SLC10A1: variants seen among roughly 807,000 people sequenced by gnomAD.
The protein encoded by SLC10A1 is hepatic sodium/bile acid cotransporter.
In SLC10A1, 36 loss-of-function variants were observed where a neutral mutation model predicts 20.5. The ratio of observed to expected loss-of-function variants is 1.75; its 90% CI spans 1.34 to 2.32. The LOEUF is 2.32. Among genes scored for constraint, SLC10A1 ranks in the 30% most tolerant of loss-of-function variants. The probability of loss-of-function intolerance (pLI) is 0.00; values close to 1 mark genes in which losing one functional copy is unlikely to be tolerated. For synonymous variants in SLC10A1, 188 were observed against 163.6 expected (o/e 1.15, Z -1.14); for missense variants, 545 against 439.1 (o/e 1.24, Z -2.16).
chr14:69,779,284 A>AT lies in SLC10A1; in HGVS notation c.643dup (p.Met215AsnfsTer63), dbSNP rs751504690. 3.2e-5 allele frequency: 52 copies of AT among 1,613,902 alleles called. No homozygotes were observed. The highest frequency in any genetic ancestry group is 4.2e-5 in the Non-Finnish European group (50 of 1,179,944). The stretch of plus-strand genomic sequence containing the variant: ...AATCAAGAGTGGTGTCATGGCAAAC[A>AT]TGATGCTCTTCCCCACATTGATGGC... On this transcript the variant is annotated frameshift_variant, in exon 3 of 5. Coordinates refer to ENST00000216540, the MANE Select transcript of SLC10A1 (RefSeq NM_003049.4). LOFTEE classifies it high-confidence loss of function.
At chr14:69,784,058 G>T (rs762185223) in intron 2 of SLC10A1, among the ~76,000 whole-genome samples, 1 of 152,170 alleles carries the variant, frequency 6.6e-6, no homozygotes, top group Non-Finnish European at 1.5e-5. Context: ...GACATCTGAT[G>T]ATGCTGTTCT....
At chr14:69,783,266 G>A (rs1442814410) in intron 2 of SLC10A1, among the ~76,000 whole-genome samples, 1 of 151,304 alleles carries the variant, frequency 6.6e-6, no homozygotes, top group African/African-American at 2.5e-5. Context: ...TGTGGATTCA[G>A]TGTTAATTAA....
At position 69,776,243 on chromosome 14, in the gene SLC10A1, A is replaced by G; in HGVS notation, c.*39T>C. Reference sequence around the variant, plus strand: ...CTAGTTTACCACACTGGCTTTCAGAATTGCTTTGGGACCAGAATCCAGGCC... The same window carrying G: ...CTAGTTTACCACACTGGCTTTCAGAGTTGCTTTGGGACCAGAATCCAGGCC... On this transcript the variant is annotated 3_prime_UTR_variant, in exon 5 of 5. Transcript: ENST00000216540. 1 of 1,500,756 alleles carries G rather than the reference A, an allele frequency of 6.7e-7. No homozygotes were observed. Among genetic ancestry groups the G allele is most frequent in the Non-Finnish European group, 9.2e-7 (1 of 1,084,108 alleles). The allele number at this position is 1,500,756 out of a possible 1,614,324, so 93.0% of individuals were successfully genotyped here. A position where few individuals can be genotyped will look rare whatever the true frequency, so the allele number is the denominator to read the frequency against.
At chr14:69,788,214 A>C (rs140264205) in intron 1 of SLC10A1, among the ~76,000 whole-genome samples, 2,768 of 152,164 alleles carry the variant, frequency 0.018, 78 homozygotes, top group African/African-American at 0.062. Flanking sequence ...GAAACTGAGC[A>C]ACCAATAAAA....
rs575719164 is a variant in SLC10A1 at position 69,788,640 on chromosome 14, G to C, written c.357-2333C>G. ...GCTCACTGCAAGCTCCGCCTCCTGGGTTCACGCTATTCTTCTGTCTCAGCC... is the reference window on the plus strand; with the variant it reads ...GCTCACTGCAAGCTCCGCCTCCTGGCTTCACGCTATTCTTCTGTCTCAGCC... On this transcript the variant is annotated intron_variant, in intron 1 of 4. Coordinates refer to ENST00000216540, the MANE Select transcript of SLC10A1 (RefSeq NM_003049.4). 2.6e-5 allele frequency among the ~76,000 whole-genome samples: 4 copies of C among 152,090 alleles called. 1 individual carries two copies. The South Asian group carries it at 8.3e-4, about 32-fold the overall frequency.
intron 3 of SLC10A1, among the ~76,000 whole-genome samples, chr14:69,778,972 C>A (rs934491910): frequency 1.3e-5 from 2 of 152,006 alleles, no homozygotes; most frequent in Non-Finnish European, 2.9e-5. Flanking sequence ...CAAAACTAGC[C>A]TGGGCAACAT....
In SLC10A1 at chr14:69,791,736, C is replaced by G. The variant is rs192746790; in HGVS notation, c.356+5064G>C. On this transcript the variant is annotated intron_variant, in intron 1 of 4. Transcript: ENST00000216540. ...AAGAGAAGAGAGATCCAGACACAAG[C>G]CCTGCATTTATGAGAGAGATGTCAT... Among the ~76,000 whole-genome samples the G allele has an allele frequency of 3.3e-5, 5 of 152,282 alleles. No individual in the cohort carries two copies. The East Asian group carries it at 9.6e-4, about 29-fold the overall frequency.
chr14:69,778,021 A>C (rs1883489650), intron 4 of SLC10A1, among the ~76,000 whole-genome samples: 1 of 152,134 alleles, frequency 6.6e-6, no homozygotes, highest in Non-Finnish European at 1.5e-5. Flanking sequence ...TAATAACCTC[A>C]GTTGTCCAAG....
chr14:69,776,178 G>T lies in SLC10A1; in HGVS notation c.*104C>A. 1.3e-6 allele frequency: 1 copy of T among 782,942 alleles called. No homozygotes were observed. The highest frequency in any genetic ancestry group is 2.2e-6 in the Non-Finnish European group (1 of 463,496). The allele number at this position is 782,942 out of a possible 1,614,324, so 48.5% of individuals were successfully genotyped here. ...TCTGATAGATGTACTGGAAATGCTGGAGAAAGACTCAGGCAAGACTGGTGT... is the reference window on the plus strand; with the variant it reads ...TCTGATAGATGTACTGGAAATGCTGTAGAAAGACTCAGGCAAGACTGGTGT... On this transcript the variant is annotated 3_prime_UTR_variant, in exon 5 of 5. Transcript: ENST00000216540.
At chr14:69,793,092 A>T (rs1882311527) in intron 1 of SLC10A1, among the ~76,000 whole-genome samples, 1 of 152,170 alleles carries the variant, frequency 6.6e-6, no homozygotes, top group Non-Finnish European at 1.5e-5. Flanking sequence ...GGGAAAAGCC[A>T]AACACAACTT....
chr14:69,784,873 A>C (rs1170082455), intron 2 of SLC10A1, among the ~76,000 whole-genome samples: 1 of 152,156 alleles, frequency 6.6e-6, no homozygotes, highest in African/African-American at 2.4e-5. Flanking sequence ...GTCCTCCAGC[A>C]GGCGGGAAGG....
intron 4 of SLC10A1, among the ~76,000 whole-genome samples, 171 bp from the exon 5 acceptor site, chr14:69,776,559 C>A (rs1470362750): frequency 6.6e-6 from 1 of 152,152 alleles, no homozygotes; most frequent in Non-Finnish European, 1.5e-5. Flanking sequence ...CTCACTTTCC[C>A]CTCAGTCTCC....
chr14:69,778,056 C>T (rs1245725032), intron 4 of SLC10A1, among the ~76,000 whole-genome samples: 1 of 152,078 alleles, frequency 6.6e-6, no homozygotes, highest in African/African-American at 2.4e-5. Context: ...TGATGTCTCC[C>T]CACTGAGACA....
At position 69,776,333 on chromosome 14, in the gene SLC10A1, A is replaced by C. The variant is rs1566633449; in HGVS notation, c.999T>G (p.Ala333=). Residue 333 remains alanine (A), a synonymous_variant, in exon 5 of 5, where the codon GCT becomes GCG. Transcript: ENST00000216540. ...CCCCTTTGTAGGTGCCATTTCCCAG[A>C]GCTCCTGGAATTGTTTCTTCAGTTG... is the stretch of plus-strand genomic sequence containing the variant. ...AATTEETIPG[A]LGNGTYKGED... 6.2e-7 allele frequency: 1 copy of C among 1,613,840 alleles called. No individual in the cohort carries two copies. Among genetic ancestry groups the C allele is most frequent in the East Asian group, 2.2e-5 (1 of 44,882 alleles).
chr14:69,778,330 C>T lies in SLC10A1; in HGVS notation c.943+3G>A. Reference sequence around the variant, plus strand: ...TTGAAGTGGGGATAATTTCAGTACTCACCCTTGGGAGTCTTGAATTTCTCA... The same window carrying T: ...TTGAAGTGGGGATAATTTCAGTACTTACCCTTGGGAGTCTTGAATTTCTCA... On this transcript the variant is annotated splice_donor_region_variant and intron_variant, in intron 4 of 4. Transcript: ENST00000216540. The T allele has an allele frequency of 2.0e-5, 31 of 1,589,056 alleles. No homozygotes were observed. The highest frequency in any genetic ancestry group is 2.7e-5 in the Non-Finnish European group (31 of 1,168,842).
intron 3 of SLC10A1, 151 bp downstream of exon 3, chr14:69,779,031 T>C: frequency 3.4e-6 from 2 of 584,790 alleles, no homozygotes; most frequent in Non-Finnish European, 2.9e-6. Flanking sequence ...CATGGTGGCT[T>C]GTGCCTATAG....
intron 1 of SLC10A1, among the ~76,000 whole-genome samples, chr14:69,796,414 A>C (rs1882386393): frequency 6.6e-6 from 1 of 152,230 alleles, no homozygotes; most frequent in African/African-American, 2.4e-5. Context: ...GTTTGGAACG[A>C]ATCACACTAC....
intron 4 of SLC10A1, among the ~76,000 whole-genome samples, chr14:69,777,526 C>T (rs1442589057): frequency 7.0e-6 from 1 of 142,954 alleles, no homozygotes; most frequent in Non-Finnish European, 1.5e-5. Flanking sequence ...GAAGAATATA[C>T]TAATGTTGAG....
In SLC10A1 at chr14:69,794,673, C is replaced by T. The variant is rs370787305; in HGVS notation, c.356+2127G>A. ...AAGGTAGATGACCAGATTCCCATTC[C>T]GACAGTGGGATCTGAGACATGGTTT... On this transcript the variant is annotated intron_variant, in intron 1 of 4. Coordinates refer to ENST00000216540, the MANE Select transcript of SLC10A1 (RefSeq NM_003049.4). 1.1e-4 allele frequency among the ~76,000 whole-genome samples: 16 copies of T among 152,332 alleles called. No individual in the cohort carries two copies. The South Asian group carries it at 2.7e-3, about 26-fold the overall frequency.
Sources: allele counts gnomAD v4.1 joint callset (sites outside exome capture counted in the v4.1 genomes callset), GRCh38; gene constraint gnomAD v4.1.1; transcripts MANE v1.5; gene names NCBI Gene and HGNC (gene_info 2026-07-23, HGNC 2026-07-21).